DOK5: variants seen among roughly 807,000 people sequenced by gnomAD.
DOK5 encodes downstream of tyrosine kinase 5.
In DOK5, 27 loss-of-function variants were observed where a neutral mutation model predicts 43.3. The observed-to-expected ratio is 0.62, with a 90% CI of 0.46 to 0.86. The LOEUF is 0.86. DOK5 is among the 40% of genes least tolerant of loss of function. DOK5 has a pLI of 0.00. For missense variants in DOK5, 373 were observed against 392.9 expected (o/e 0.95, Z 0.43); for synonymous variants, 146 against 140.1 (o/e 1.04, Z -0.30).
chr20:54,648,614 C>T (rs1268827881), intron 7 of DOK5, among the ~76,000 whole-genome samples: 1 of 152,096 alleles, frequency 6.6e-6, no homozygotes, highest in Non-Finnish European at 1.5e-5. Context: ...ATTCAAAGAT[C>T]AGGAAGGAGC....
intron 6 of DOK5, 140 bp from the exon 7 acceptor site, chr20:54,643,318 C>G: frequency 8.5e-7 from 1 of 1,174,898 alleles, no homozygotes; most frequent in Non-Finnish European, 1.2e-6. Flanking sequence ...CCACCATGCC[C>G]ACCACCTTCA....
intron 1 of DOK5, among the ~76,000 whole-genome samples, chr20:54,549,478 A>T (rs1984453286): frequency 6.6e-6 from 1 of 152,212 alleles, no homozygotes; most frequent in Non-Finnish European, 1.5e-5. Context: ...TTATCTTCTA[A>T]TGAACCAATG....
intron 6 of DOK5, among the ~76,000 whole-genome samples, chr20:54,624,725 T>C (rs1010904247): frequency 6.6e-6 from 1 of 152,214 alleles, no homozygotes; most frequent in Non-Finnish European, 1.5e-5. Context: ...ATTTGTTTTA[T>C]GCATGTGGCT....
chr20:54,618,070 G>A (rs1986867924), intron 6 of DOK5, among the ~76,000 whole-genome samples: 1 of 152,150 alleles, frequency 6.6e-6, no homozygotes, highest in African/African-American at 2.4e-5. Flanking sequence ...GACACTTGAG[G>A]CCTATGCTCC....
At chr20:54,610,975 A>G (rs774324857) in intron 6 of DOK5, among the ~76,000 whole-genome samples, 25 of 152,206 alleles carry the variant, frequency 1.6e-4, no homozygotes, top group African/African-American at 5.5e-4. Flanking sequence ...TGTGACATCC[A>G]TCTAGGTAGA....
intron 1 of DOK5, among the ~76,000 whole-genome samples, chr20:54,492,873 G>A (rs1982243208): frequency 6.6e-6 from 1 of 151,936 alleles, no homozygotes; most frequent in South Asian, 2.1e-4. Flanking sequence ...GGCTAACATA[G>A]TGAAACCCTG....
chr20:54,563,798 A>G (rs754524002), intron 2 of DOK5, among the ~76,000 whole-genome samples: 5 of 151,712 alleles, frequency 3.3e-5, no homozygotes, highest in Non-Finnish European at 7.4e-5. Flanking sequence ...TTAGTTGAAC[A>G]CTTTCAATAT....
At chr20:54,599,562 G>C (rs915416416) in intron 5 of DOK5, among the ~76,000 whole-genome samples, 1 of 152,194 alleles carries the variant, frequency 6.6e-6, no homozygotes, top group Non-Finnish European at 1.5e-5. Context: ...ACCATTCTAA[G>C]AGGCTTAGCT....
intron 2 of DOK5, among the ~76,000 whole-genome samples, chr20:54,577,803 C>T (rs963136479): frequency 3.9e-5 from 6 of 152,192 alleles, no homozygotes; most frequent in African/African-American, 1.4e-4. Context: ...ATGTTGTTCT[C>T]ATGGTGGAGA....
intron 2 of DOK5, among the ~76,000 whole-genome samples, chr20:54,569,515 T>C (rs1206806557): frequency 6.6e-6 from 1 of 152,220 alleles, no homozygotes; most frequent in African/African-American, 2.4e-5. Context: ...GCATCTATTT[T>C]TATGTGCTCA....
chr20:54,551,793 A>C (rs981071646), intron 1 of DOK5, among the ~76,000 whole-genome samples: 5 of 152,170 alleles, frequency 3.3e-5, no homozygotes, highest in Admixed American at 3.3e-4. Context: ...GTATTTAAAA[A>C]ATAACAGAAT....
At chr20:54,532,791 G>A (rs556128206) in intron 1 of DOK5, among the ~76,000 whole-genome samples, 2 of 152,290 alleles carry the variant, frequency 1.3e-5, no homozygotes, top group East Asian at 1.9e-4. Context: ...AGAGACCTGC[G>A]ATCTGAGTGG....
chr20:54,552,804 T>C (rs928753656), intron 1 of DOK5, among the ~76,000 whole-genome samples: 1 of 152,202 alleles, frequency 6.6e-6, no homozygotes, highest in African/African-American at 2.4e-5. Context: ...ATTTCGTTTT[T>C]TCACCCTGAA....
At chr20:54,506,369 G>A (rs1399145600) in intron 1 of DOK5, among the ~76,000 whole-genome samples, 1 of 152,204 alleles carries the variant, frequency 6.6e-6, no homozygotes, top group Admixed American at 6.5e-5. Context: ...TGTCTGCCAT[G>A]TAGTAAATTT....
chr20:54,611,568 A>T (rs189111774), intron 6 of DOK5, among the ~76,000 whole-genome samples: 1,751 of 150,754 alleles, frequency 0.012, 17 homozygotes, highest in Middle Eastern at 0.028. Context: ...CTAAAAATTT[A>T]AAAAAAATAA....
At chr20:54,506,687 C>G (rs1178443426) in intron 1 of DOK5, among the ~76,000 whole-genome samples, 1 of 152,178 alleles carries the variant, frequency 6.6e-6, no homozygotes, top group Non-Finnish European at 1.5e-5. Context: ...TCTTGAACTC[C>G]TGGGCTCAAG....
At chr20:54,592,812 G>C (rs906529978) in intron 5 of DOK5, among the ~76,000 whole-genome samples, 3 of 152,086 alleles carry the variant, frequency 2.0e-5, no homozygotes, top group Non-Finnish European at 4.4e-5. Flanking sequence ...GATTACCGGC[G>C]TGAGCCACCA....
intron 1 of DOK5, among the ~76,000 whole-genome samples, chr20:54,497,745 G>C (rs770671403): frequency 6.6e-6 from 1 of 152,206 alleles, no homozygotes; most frequent in Non-Finnish European, 1.5e-5. Flanking sequence ...TAAAGGAACT[G>C]TGTTTTCCTT....
chr20:54,588,859 A>G (rs1220293722), intron 4 of DOK5, 53 bp downstream of exon 4: 2 of 1,589,980 alleles, frequency 1.3e-6, no homozygotes, highest in Non-Finnish European at 1.7e-6. Context: ...CTGTCTCCAT[A>G]TGATAAAACA....
Sources: allele counts gnomAD v4.1 joint callset (sites outside exome capture counted in the v4.1 genomes callset), GRCh38; gene constraint gnomAD v4.1.1; transcripts MANE v1.5; gene names NCBI Gene and HGNC (gene_info 2026-07-23, HGNC 2026-07-21).